DLGAP1: variants seen among roughly 807,000 people sequenced by gnomAD.
DLGAP1 encodes disks large-associated protein 1.
In DLGAP1, 11 loss-of-function variants were observed where a neutral mutation model predicts 90.8. The ratio of observed to expected loss-of-function variants is 0.12; its 90% CI spans 0.08 to 0.20. The LOEUF is 0.20. DLGAP1 is among the 10% of genes least tolerant of loss of function. The pLI, the probability that DLGAP1 is intolerant of heterozygous loss-of-function variation, is 1.00. For missense variants in DLGAP1, 1,050 were observed against 1,333.8 expected (o/e 0.79, Z 3.31); for synonymous variants, 558 against 540.7 (o/e 1.03, Z -0.44).
At chr18:3,512,318 G>T (rs1239765025) in intron 10 of DLGAP1, among the ~76,000 whole-genome samples, 7 of 152,192 alleles carry the variant, frequency 4.6e-5, no homozygotes, top group Non-Finnish European at 1.5e-5. Context: ...ACCTGATGGT[G>T]AGGCTTATAG....
At chr18:4,025,182 G>A (rs1275703430) in intron 2 of DLGAP1, among the ~76,000 whole-genome samples, 2 of 151,996 alleles carry the variant, frequency 1.3e-5, no homozygotes, top group Admixed American at 1.3e-4. Context: ...CCTGTCCAAG[G>A]TCATGTGTGT....
chr18:3,596,830 T>C (rs527626515), intron 7 of DLGAP1: 1 of 519,984 alleles, frequency 1.9e-6, no homozygotes, highest in East Asian at 5.4e-5. Context: ...TGATCTCTGA[T>C]TGTGCAGTGT....
At chr18:3,992,004 GAT>G (rs2073979406) in intron 3 of DLGAP1, among the ~76,000 whole-genome samples, 1 of 152,122 alleles carries the variant, frequency 6.6e-6, no homozygotes. Flanking sequence ...TCTCTCCCCT[GAT>G]GGCTAACCCA....
chr18:3,597,272 A>T (rs1191866190), intron 7 of DLGAP1: 1 of 494,944 alleles, frequency 2.0e-6, no homozygotes, highest in South Asian at 1.5e-5. Context: ...GACAGGAATA[A>T]AAGGAAAAAT....
chr18:3,668,890 T>G (rs1217415803), intron 7 of DLGAP1, among the ~76,000 whole-genome samples: 1 of 151,822 alleles, frequency 6.6e-6, no homozygotes, highest in Non-Finnish European at 1.5e-5. Context: ...GAGGTTGAGG[T>G]AGGAGATCGT....
chr18:3,841,166 G>A (rs2148631962), intron 4 of DLGAP1, among the ~76,000 whole-genome samples: 1 of 152,266 alleles, frequency 6.6e-6, no homozygotes, highest in South Asian at 2.1e-4. Flanking sequence ...AACATGAAGG[G>A]CCAACTGAGT....
chr18:4,364,592 TA>T (rs1197794182), intron 1 of DLGAP1, among the ~76,000 whole-genome samples: 4 of 151,612 alleles, frequency 2.6e-5, no homozygotes, highest in East Asian at 3.9e-4. Flanking sequence ...ATGTGTAGTT[TA>T]AAAAAAAATC....
chr18:4,089,842 G>C (rs1033401179), intron 2 of DLGAP1, among the ~76,000 whole-genome samples: 2 of 152,104 alleles, frequency 1.3e-5, no homozygotes, highest in Non-Finnish European at 2.9e-5. Context: ...TCAGGAGATC[G>C]AGACCATCCT....
At chr18:4,222,257 T>G (rs2078092497) in intron 1 of DLGAP1, among the ~76,000 whole-genome samples, 1 of 152,210 alleles carries the variant, frequency 6.6e-6, no homozygotes, top group Non-Finnish European at 1.5e-5. Flanking sequence ...ATATTCAATA[T>G]GCCCCAAACA....
intron 6 of DLGAP1, among the ~76,000 whole-genome samples, chr18:3,741,835 C>T (rs374389923): frequency 2.5e-5 from 3 of 121,426 alleles, no homozygotes; most frequent in African/African-American, 1.0e-4. Flanking sequence ...CCGAAGTTTT[C>T]TTTTTCTTTT....
intron 2 of DLGAP1, among the ~76,000 whole-genome samples, chr18:4,019,815 G>A (rs959655840): frequency 6.4e-5 from 9 of 141,186 alleles, no homozygotes; most frequent in East Asian, 2.3e-4. Flanking sequence ...GCGTGTGCGC[G>A]CACACACACA....
At chr18:4,018,044 A>G (rs1391578845) in intron 2 of DLGAP1, among the ~76,000 whole-genome samples, 1 of 152,202 alleles carries the variant, frequency 6.6e-6, no homozygotes, top group African/African-American at 2.4e-5. Flanking sequence ...GGTAACCAAA[A>G]TATCCATTGT....
chr18:4,198,859 C>T (rs377250084), intron 1 of DLGAP1, among the ~76,000 whole-genome samples: 9 of 152,274 alleles, frequency 5.9e-5, no homozygotes, highest in African/African-American at 2.2e-4. Flanking sequence ...TTAACAATGT[C>T]ATTCTTATTA....
intron 9 of DLGAP1, 68 bp downstream of exon 9, chr18:3,567,422 C>T (rs190567197): frequency 1.6e-5 from 21 of 1,330,022 alleles, no homozygotes; most frequent in African/African-American, 7.3e-5. Flanking sequence ...AGACTTATCA[C>T]GGGGAAAAAT....
intron 2 of DLGAP1, among the ~76,000 whole-genome samples, chr18:4,146,851 AT>A (rs1232450498): frequency 3.3e-5 from 5 of 152,356 alleles, no homozygotes; most frequent in South Asian, 4.1e-4. Flanking sequence ...TAACAAAAAA[AT>A]AAGTGGAAAC....
chr18:3,852,602 A>T (rs2069404981), intron 4 of DLGAP1, among the ~76,000 whole-genome samples: 1 of 152,178 alleles, frequency 6.6e-6, no homozygotes, highest in Admixed American at 6.5e-5. Flanking sequence ...TGTTTAAATG[A>T]TCCAACATGA....
At chr18:3,948,788 T>G (rs1271724603) in intron 3 of DLGAP1, among the ~76,000 whole-genome samples, 1 of 150,496 alleles carries the variant, frequency 6.6e-6, no homozygotes, top group Admixed American at 6.6e-5. Context: ...GGGAAGGGAG[T>G]GAGGAATAAA....
At chr18:4,339,404 G>A (rs1355213409) in intron 1 of DLGAP1, among the ~76,000 whole-genome samples, 2 of 152,160 alleles carry the variant, frequency 1.3e-5, no homozygotes, top group African/African-American at 4.8e-5. Context: ...GTGCTGTTCT[G>A]TGCTGCAAAC....
chr18:4,405,046 T>A (rs1388986170), intron 1 of DLGAP1, among the ~76,000 whole-genome samples: 8 of 152,212 alleles, frequency 5.3e-5, no homozygotes, highest in Admixed American at 5.2e-4. Flanking sequence ...TATAAGCAAC[T>A]ACTTAAGTTT....
Sources: allele counts gnomAD v4.1 joint callset (sites outside exome capture counted in the v4.1 genomes callset), GRCh38; gene constraint gnomAD v4.1.1; transcripts MANE v1.5; gene names NCBI Gene and HGNC (gene_info 2026-07-23, HGNC 2026-07-21).